The following CTSZ variants were observed in gnomAD, a reference collection of about 807,000 sequenced individuals.
CTSZ encodes cathepsin Z.
A neutral mutation model predicts 32.4 loss-of-function variants in CTSZ; 39 were observed. The observed-to-expected ratio is 1.20, with a 90% CI of 0.93 to 1.57. CTSZ has a LOEUF of 1.57. Among genes scored for constraint, CTSZ ranks in the 40% most tolerant of loss-of-function variants. The pLI is 0.00. For missense variants in CTSZ, 397 were observed against 419.6 expected (o/e 0.95, Z 0.47); for synonymous variants, 168 against 170.1 (o/e 0.99, Z 0.10).
rs1340789533 is a variant in CTSZ at position 59,002,402 on chromosome 20, C to T, written c.308-758G>A. On this transcript the variant is annotated intron_variant, in intron 2 of 5. Coordinates refer to ENST00000217131, the MANE Select transcript of CTSZ (RefSeq NM_001336.4). The surrounding 1 kb of genome is among the most constrained non-coding windows in gnomAD (Gnocchi z 4.1). ...CTGCCCTCCCAGGACAATGATTTCA[C>T]AGCCACACACCCCTGCACCTGCCTC... Among the ~76,000 whole-genome samples the T allele has an allele frequency of 6.6e-6, 1 of 152,158 alleles. No homozygotes were observed. Among genetic ancestry groups the T allele is most frequent in the Non-Finnish European group, 1.5e-5 (1 of 68,006 alleles).
chr20:58,996,074 TGAC>T (rs531354749), intron 5 of CTSZ, among the ~76,000 whole-genome samples: 122 of 152,294 alleles, frequency 8.0e-4, no homozygotes, highest in African/African-American at 2.6e-3. Flanking sequence ...TAGTAAAAAA[TGAC>T]GACATTTCAT....
At position 59,007,242 on chromosome 20, in the gene CTSZ, G is replaced by C. The variant is rs898510425; in HGVS notation, c.-114C>G. 3.5e-5 allele frequency: 35 copies of C among 1,012,560 alleles called. No homozygotes were observed. In the African/African-American group the frequency reaches 3.6e-4, roughly 10 times the overall value. The allele number at this position is 1,012,560 out of a possible 1,614,324, so 62.7% of individuals were successfully genotyped here. A position where few individuals can be genotyped will look rare whatever the true frequency, so the allele number is the denominator to read the frequency against. On this transcript the variant is annotated 5_prime_UTR_variant, in exon 1 of 6. Transcript: ENST00000217131. ...CTCGGCCTCGGCCCAGCACCCGGCC[G>C]ACCCCGCACTTTGGGCCCCTGCCCC... is the stretch of plus-strand genomic sequence containing the variant.
In CTSZ at chr20:58,997,666, T is replaced by C; in HGVS notation, c.575A>G (p.Asp192Gly). ...CTCCCTCCCAGAGAGGGAGCCGTAG[T>C]CTCCCACCCTCCAGAGGGTGTAGTT... is the stretch of plus-strand genomic sequence containing the variant. ...IRNYTLWRVG[D>G]YGSLSGREKM... Residue 192 changes from aspartate to glycine, a missense_variant, in exon 4 of 6, where the codon GAC becomes GGC. Asp to Gly is a moderately conservative substitution (Grantham distance 94). Coordinates refer to ENST00000217131, the MANE Select transcript of CTSZ (RefSeq NM_001336.4). 1 of 1,609,308 alleles carries C rather than the reference T, an allele frequency of 6.2e-7. No individual in the cohort carries two copies. Among genetic ancestry groups the C allele is most frequent in the Non-Finnish European group, 8.5e-7 (1 of 1,177,750 alleles).
In CTSZ at chr20:59,001,450, C is replaced by T. The variant is rs201704229; in HGVS notation, c.487+15G>A. The stretch of plus-strand genomic sequence containing the variant: ...AGGGCAGGAGGGTGGAGTGGGGGCA[C>T]GGGCAGCAGCCTACCCTGGTCCTTG... On this transcript the variant is annotated intron_variant, in intron 3 of 5. Coordinates refer to ENST00000217131, the MANE Select transcript of CTSZ (RefSeq NM_001336.4). 3.3e-5 allele frequency: 52 copies of T among 1,596,760 alleles called. No homozygotes were observed. Among genetic ancestry groups the T allele is most frequent in the East Asian group, 9.0e-5 (4 of 44,408 alleles).
Position 59,007,150 on chromosome 20 carries a change from TC to T in CTSZ, c.-23del. On this transcript the variant is annotated 5_prime_UTR_variant, in exon 1 of 6. Transcript: ENST00000217131. ...CCATGGCCCCGCGCCGGCTCCTGGG[TC>T]CCGCTCCGGATCCCGCTCCGAGTCC... 1 of 1,325,990 alleles carries T rather than the reference TC, an allele frequency of 7.5e-7. No individual in the cohort carries two copies. The highest frequency in any genetic ancestry group is 3.2e-5 in the East Asian group (1 of 31,318). The allele number at this position is 1,325,990 out of a possible 1,614,324, so 82.1% of individuals were successfully genotyped here. A position where few individuals can be genotyped will look rare whatever the true frequency, so the allele number is the denominator to read the frequency against.
intron 3 of CTSZ, among the ~76,000 whole-genome samples, chr20:58,999,961 C>T (rs1010404591): frequency 1.6e-4 from 24 of 152,168 alleles, no homozygotes; most frequent in Admixed American, 5.9e-4. Context: ...CCCAGCTACT[C>T]CGGAGGCTGA....
intron 2 of CTSZ, 183 bp downstream of exon 2, chr20:59,006,139 T>G: frequency 2.9e-6 from 2 of 701,734 alleles, no homozygotes; most frequent in East Asian, 2.8e-5. Flanking sequence ...AGCCCCAGAA[T>G]GACCCAGCTT....
Position 59,007,146 on chromosome 20 carries a change from T to TGGGTCCCGCTCC in CTSZ, c.-30_-19dup, listed in dbSNP as rs2091912645. 49 of 1,338,862 alleles carry TGGGTCCCGCTCC rather than the reference T, an allele frequency of 3.7e-5. No homozygotes were observed. Among genetic ancestry groups the TGGGTCCCGCTCC allele is most frequent in the Non-Finnish European group, 4.7e-5 (49 of 1,053,182 alleles). The allele number at this position is 1,338,862 out of a possible 1,614,324, so 82.9% of individuals were successfully genotyped here. On this transcript the variant is annotated 5_prime_UTR_variant, in exon 1 of 6. Coordinates refer to ENST00000217131, the MANE Select transcript of CTSZ (RefSeq NM_001336.4). ...CTCGCCATGGCCCCGCGCCGGCTCC[T>TGGGTCCCGCTCC]GGGTCCCGCTCCGGATCCCGCTCCG...
intron 3 of CTSZ, among the ~76,000 whole-genome samples, chr20:59,000,670 C>T (rs1292929590): frequency 2.0e-5 from 3 of 152,084 alleles, no homozygotes; most frequent in Admixed American, 2.0e-4. Flanking sequence ...AATGAACTCT[C>T]CCTCCACAAG....
rs1482047391 is a variant in CTSZ, at chr20:59,001,509, C to T, written c.443G>A (p.Gly148Asp). 1.2e-6 allele frequency: 2 copies of T among 1,613,986 alleles called. No individual in the cohort carries two copies. Among genetic ancestry groups the T allele is most frequent in the South Asian group, 1.1e-5 (1 of 91,080 alleles). The change falls in exon 3 of 6, where the codon GGC becomes GAC. Residue 148 changes from glycine (G) to aspartate (D), a missense_variant. By Grantham distance (94) the Gly-to-Asp change is moderately conservative. Transcript: ENST00000217131. ...LSVWDYAHQH[G>D]IPDETCNNYQ... is the part of the protein sequence containing the mutation. ...GTTGTTGCAGGTCTCGTCAGGGATG[C>T]CGTGCTGGTGGGCGTAGTCCCACAC...
At chr20:59,006,956 C>G in intron 1 of CTSZ, 30 bp downstream of exon 1, 1 of 1,399,634 alleles carries the variant, frequency 7.1e-7, no homozygotes. Context: ...CCTCCCGTCC[C>G]CCCAGGGCTG....
At chr20:58,999,506 GCAC>G (rs1171323897) in intron 3 of CTSZ, among the ~76,000 whole-genome samples, 1 of 94,196 alleles carries the variant, frequency 1.1e-5, no homozygotes. Context: ...CCTTCCCTCT[GCAC>G]CTTCCATCTG....
In CTSZ at chr20:58,995,721, A is replaced by G. The variant is rs777536692; in HGVS notation, c.840T>C (p.Tyr280=). ...TGTATCTGGCGCCCTTCCCATCCTT[A>G]TAGGTGCTGGTCACGATCCTCAGCC... is the stretch of plus-strand genomic sequence containing the variant. ...RGWLRIVTST[Y]KDGKGARYNL... is the part of the protein sequence containing the mutation. Residue 280 remains tyrosine, a synonymous_variant, in exon 6 of 6, where the codon TAT becomes TAC. Transcript: ENST00000217131. 32 of 1,613,944 alleles carry G rather than the reference A, an allele frequency of 2.0e-5. 1 individual carries two copies. The South Asian group carries it at 3.4e-4, about 17-fold the overall frequency.
At chr20:59,001,823 G>A (rs1016017199) in intron 2 of CTSZ, among the ~76,000 whole-genome samples, 179 bp from the exon 3 acceptor site, 1 of 152,210 alleles carries the variant, frequency 6.6e-6, no homozygotes, top group African/African-American at 2.4e-5. Flanking sequence ...CCGCTCAGAC[G>A]TCGCTCTGCA....
chr20:58,995,666 CA>C lies in CTSZ; in HGVS notation c.894del (p.Phe298LeufsTer23). On this transcript the variant is annotated frameshift_variant, in exon 6 of 6. Coordinates refer to ENST00000217131, the MANE Select transcript of CTSZ (RefSeq NM_001336.4). LOFTEE classifies it high-confidence loss of function. The stretch of plus-strand genomic sequence containing the variant: ...ACATGGCCTTAAACGATGGGGTCCC[CA>C]AATGTACAGTGCTCCTCGATGGCAA... ...YNLAIEEHCT[F>X]GDPIV 6.2e-7 allele frequency: 1 copy of C among 1,614,128 alleles called. No individual in the cohort carries two copies. Among genetic ancestry groups the C allele is most frequent in the African/African-American group, 1.3e-5 (1 of 75,050 alleles).
chr20:59,005,276 C>G (rs2091904722), intron 2 of CTSZ, among the ~76,000 whole-genome samples: 1 of 152,186 alleles, frequency 6.6e-6, no homozygotes, highest in Admixed American at 6.5e-5. Flanking sequence ...GACCCTACCC[C>G]CAGAGCAAGA....
In CTSZ at chr20:59,002,928, A is replaced by G. The variant is rs1017813807; in HGVS notation, c.308-1284T>C. On this transcript the variant is annotated intron_variant, in intron 2 of 5. Transcript: ENST00000217131. This position sits in a 1 kb window ranked among gnomAD's most constrained non-coding sequence, Gnocchi z 4.1. Reference sequence around the variant, plus strand: ...ACACCCCAAACTTGCCTTTCTCACAACAACAGAGGAAGCCCCCGGCCCCTC... The same window carrying G: ...ACACCCCAAACTTGCCTTTCTCACAGCAACAGAGGAAGCCCCCGGCCCCTC... 8.6e-5 allele frequency among the ~76,000 whole-genome samples: 13 copies of G among 151,906 alleles called. No individual in the cohort carries two copies. Among genetic ancestry groups the G allele is most frequent in the South Asian group, 8.3e-4 (4 of 4,822 alleles).
At position 59,004,191 on chromosome 20, in the gene CTSZ, C is replaced by T; in HGVS notation, c.307+2131G>A. ...AGGTGACAGTAGTGGAAGGAGCCAT[C>T]CAGACCTGAAGGTCTGAGGCTGGAG... On this transcript the variant is annotated intron_variant, in intron 2 of 5. Transcript: ENST00000217131. The surrounding 1 kb of genome is among the most constrained non-coding windows in gnomAD (Gnocchi z 5.6). Among the ~76,000 whole-genome samples, 1 of 152,088 alleles carries T rather than the reference C, an allele frequency of 6.6e-6. No individual in the cohort carries two copies. Among genetic ancestry groups the T allele is most frequent in the East Asian group, 1.9e-4 (1 of 5,192 alleles).
In CTSZ at chr20:59,002,956, A is replaced by G. The variant is rs1350724990; in HGVS notation, c.308-1312T>C. 6.6e-6 allele frequency among the ~76,000 whole-genome samples: 1 copy of G among 151,406 alleles called. No homozygotes were observed. The highest frequency in any genetic ancestry group is 2.4e-5 in the African/African-American group (1 of 41,132). On this transcript the variant is annotated intron_variant, in intron 2 of 5. Transcript: ENST00000217131. This position sits in a 1 kb window ranked among gnomAD's most constrained non-coding sequence, Gnocchi z 4.1. ...ACAGAGGAAGCCCCCGGCCCCTCCC[A>G]CTCACTATCACGGTTTTCTGCTTCA... is the stretch of plus-strand genomic sequence containing the variant.
Sources: allele counts gnomAD v4.1 joint callset (sites outside exome capture counted in the v4.1 genomes callset), GRCh38; gene constraint gnomAD v4.1.1; non-coding constraint Gnocchi (gnomAD v3.1); transcripts MANE v1.5; gene names NCBI Gene and HGNC (gene_info 2026-07-23, HGNC 2026-07-21).